RAD50: variants seen among roughly 807,000 people sequenced by gnomAD.
RAD50 encodes the protein DNA repair protein RAD50.
A neutral mutation model predicts 168.8 loss-of-function variants in RAD50; 132 were observed. The observed-to-expected ratio is 0.78, with a 90% confidence interval of 0.68 to 0.90. RAD50 has a LOEUF of 0.90. Ranked by LOEUF, RAD50 falls within the 40% of genes least tolerant of loss-of-function variation. The pLI is 0.00. For synonymous variants in RAD50, 525 were observed against 497.4 expected (o/e 1.06, Z -0.74); for missense variants, 1,347 against 1,534.4 (o/e 0.88, Z 2.04).
At chr5:132,591,066 G>A (rs1284454524) in intron 9 of RAD50, among the ~76,000 whole-genome samples, 158 bp from the exon 10 acceptor site, 1 of 151,950 alleles carries the variant, frequency 6.6e-6, no homozygotes, top group Non-Finnish European at 1.5e-5. Flanking sequence ...ATATACCTTA[G>A]AGCATATATA....
intron 19 of RAD50, 138 bp downstream of exon 19, chr5:132,609,534 CA>C (rs2060821323): frequency 1.4e-6 from 2 of 1,400,832 alleles, no homozygotes; most frequent in Non-Finnish European, 9.6e-7. Context: ...GTAATCCCTG[CA>C]CTTTGGAAGG....
intron 19 of RAD50, among the ~76,000 whole-genome samples, chr5:132,614,504 C>T (rs746722926): frequency 4.1e-4 from 61 of 150,318 alleles, no homozygotes; most frequent in Admixed American, 7.4e-4. Flanking sequence ...CAGGATCCCC[C>T]GATAAAACAG....
chr5:132,629,670 A>C (rs1426131552), intron 21 of RAD50, among the ~76,000 whole-genome samples: 1 of 152,222 alleles, frequency 6.6e-6, no homozygotes, highest in Admixed American at 6.5e-5. Context: ...CCCAGAAGAA[A>C]GTAAGGTACA....
chr5:132,608,563 A>AG (rs1436902701), intron 16 of RAD50, 52 bp from the exon 17 acceptor site: 1 of 1,426,990 alleles, frequency 7.0e-7, no homozygotes, highest in African/African-American at 1.4e-5. Context: ...TCTGACCCCT[A>AG]AAGTAAGATA....
At chr5:132,593,235 T>G (rs1300731775) in intron 11 of RAD50, 2 of 176,686 alleles carry the variant, frequency 1.1e-5, no homozygotes, top group Admixed American at 5.5e-5. Context: ...TTGATACTTG[T>G]TCTTGCTTCA....
chr5:132,601,565 A>G (rs983017346), intron 13 of RAD50, among the ~76,000 whole-genome samples: 3 of 152,172 alleles, frequency 2.0e-5, no homozygotes, highest in Non-Finnish European at 2.9e-5. Flanking sequence ...TTCAAGAGGA[A>G]ACATTGGCAT....
rs1158788343 is a variant in RAD50 at position 132,644,540 on chromosome 5, A to ACAT, written c.*2177_*2179dup. 1.2e-4 allele frequency: 21 copies of ACAT among 182,270 alleles called. No homozygotes were observed. The highest frequency in any genetic ancestry group is 2.3e-4 in the Non-Finnish European group (20 of 85,564). 11.3% of individuals were successfully genotyped at this position (182,270 alleles called of 1,614,324 possible). The stretch of plus-strand genomic sequence containing the variant: ...GTAGGGTTGTTATGAAGATTGAATG[A>ACAT]CATTATTTACAAACTGCTTAGAACT... On this transcript the variant is annotated 3_prime_UTR_variant, in exon 25 of 25. Coordinates refer to ENST00000378823, the MANE Select transcript of RAD50 (RefSeq NM_005732.4).
chr5:132,590,412 G>C (rs1750677249), intron 9 of RAD50, among the ~76,000 whole-genome samples: 1 of 152,226 alleles, frequency 6.6e-6, no homozygotes, highest in South Asian at 2.1e-4. Context: ...AGAGGTTGCA[G>C]TGAGCCAAGA....
intron 15 of RAD50, 85 bp downstream of exon 15, chr5:132,604,131 C>A: frequency 6.6e-7 from 1 of 1,517,770 alleles, no homozygotes; most frequent in Non-Finnish European, 9.1e-7. Flanking sequence ...ATATCTGTTA[C>A]ATGGACAACG....
At chr5:132,572,134 A>G (rs1750317720) in intron 2 of RAD50, among the ~76,000 whole-genome samples, 1 of 152,220 alleles carries the variant, frequency 6.6e-6, no homozygotes, top group African/African-American at 2.4e-5. Flanking sequence ...GAAAAATCAT[A>G]TGAGCATCAA....
intron 21 of RAD50, among the ~76,000 whole-genome samples, chr5:132,633,101 T>TC (rs201643605): frequency 0.012 from 1,782 of 143,950 alleles, 35 homozygotes; most frequent in African/African-American, 0.043. Context: ...GTTTTTTCTT[T>TC]TTTTTTTTTT....
At chr5:132,623,583 G>A (rs1414497083) in intron 21 of RAD50, among the ~76,000 whole-genome samples, 1 of 152,138 alleles carries the variant, frequency 6.6e-6, no homozygotes, top group African/African-American at 2.4e-5. Flanking sequence ...TTTCTATTAT[G>A]TAGGGATTTC....
In RAD50 at chr5:132,603,444, T is replaced by C. The variant is rs534731345; in HGVS notation, c.2352T>C (p.Ser784=). 1.8e-4 allele frequency: 289 copies of C among 1,613,944 alleles called. 2 individuals are homozygous for C. In the South Asian group the frequency reaches 3.1e-3, roughly 17 times the overall value. ...LLGTIMPEEE[S]AKVCLTDVTI... is the part of the protein sequence containing the mutation. ...GTACAATAATGCCTGAAGAAGAAAG[T>C]GCCAAAGTATGCCTGACAGATGTTA... is the stretch of plus-strand genomic sequence containing the variant. The change falls in exon 14 of 25, where the codon AGT becomes AGC. Residue 784 remains serine (S), a synonymous_variant. Transcript: ENST00000378823.
Position 132,557,348 on chromosome 5 carries a change from C to T in RAD50, c.24C>T (p.Ser8=), listed in dbSNP as rs146833872. 3.5e-5 allele frequency: 56 copies of T among 1,613,998 alleles called. No individual in the cohort carries two copies. The highest frequency in any genetic ancestry group is 4.6e-5 in the Non-Finnish European group (54 of 1,179,940). MSRIEKM[S]ILGVRSFGIE... ...ACATGTCCCGGATCGAAAAGATGAG[C>T]ATTCTGGGCGTGCGGAGTTTTGGAA... Residue 8 remains serine (S), a synonymous_variant, in exon 1 of 25, where the codon AGC becomes AGT. Transcript: ENST00000378823.
At chr5:132,604,210 C>T (rs1275892915) in intron 15 of RAD50, among the ~76,000 whole-genome samples, 164 bp downstream of exon 15, 2 of 151,526 alleles carry the variant, frequency 1.3e-5, no homozygotes, top group Non-Finnish European at 2.9e-5. Flanking sequence ...TGTTCTCTTA[C>T]TTTGCACAAC....
intron 4 of RAD50, 32 bp downstream of exon 4, chr5:132,579,534 A>G: frequency 1.3e-6 from 2 of 1,583,566 alleles, no homozygotes; most frequent in Non-Finnish European, 1.7e-6. Flanking sequence ...TTTGTAGTCC[A>G]TTAAGTTATT....
intron 24 of RAD50, 29 bp from the exon 25 acceptor site, chr5:132,642,149 A>G: frequency 6.2e-7 from 1 of 1,603,348 alleles, no homozygotes; most frequent in Non-Finnish European, 8.5e-7. Flanking sequence ...GCTCTTTACT[A>G]ATAATATGTT....
chr5:132,593,026 T>G, intron 11 of RAD50: 1 of 356,178 alleles, frequency 2.8e-6, no homozygotes, highest in South Asian at 2.1e-5. Context: ...AGTTAGGGCA[T>G]GAAGAAGATG....
intron 21 of RAD50, among the ~76,000 whole-genome samples, chr5:132,631,872 A>G (rs1157080989): frequency 6.6e-6 from 1 of 152,164 alleles, no homozygotes; most frequent in Non-Finnish European, 1.5e-5. Flanking sequence ...CACCCAGCCC[A>G]GAGCTGCCTT....
Sources: allele counts gnomAD v4.1 joint callset (sites outside exome capture counted in the v4.1 genomes callset), GRCh38; gene constraint gnomAD v4.1.1; transcripts MANE v1.5; gene names NCBI Gene and HGNC (gene_info 2026-07-23, HGNC 2026-07-21).